Variants in NEGR1 observed in about 807,000 individuals in gnomAD.
NEGR1 encodes IgLON family member 4.
NEGR1 carries 10 observed loss-of-function variants against 40.9 expected under a neutral mutation model. That is an observed-to-expected ratio of 0.24 (90% CI 0.15 to 0.42). The LOEUF (loss-of-function observed/expected upper bound fraction) is 0.42. NEGR1 is among the 10% of genes least tolerant of loss of function. NEGR1 has a pLI of 1.00. For missense variants in NEGR1, 352 were observed against 438.9 expected, an observed-to-expected ratio of 0.80 and a Z score of 1.77; for synonymous variants, 185 against 166.8, an observed-to-expected ratio of 1.11 and a Z score of -0.84.
intron 4 of NEGR1, among the ~76,000 whole-genome samples, chr1:71,614,334 C>G (rs1650370541): frequency 6.6e-6 from 1 of 151,750 alleles, no homozygotes; most frequent in Non-Finnish European, 1.5e-5. Flanking sequence ...ACACATTTAT[C>G]TATATATGGG....
chr1:71,910,470 A>G (rs1661395016), intron 2 of NEGR1, among the ~76,000 whole-genome samples: 1 of 152,202 alleles, frequency 6.6e-6, no homozygotes, highest in African/African-American at 2.4e-5. Context: ...ACAATTTGAT[A>G]TTGTTCACTA....
intron 1 of NEGR1, among the ~76,000 whole-genome samples, chr1:72,264,134 T>C (rs1293392182): frequency 1.3e-5 from 2 of 151,496 alleles, no homozygotes; most frequent in Non-Finnish European, 3.0e-5. Context: ...GAGTAGTTTA[T>C]ATCTGTGTAA....
At chr1:72,260,562 A>T (rs1407336045) in intron 1 of NEGR1, among the ~76,000 whole-genome samples, 2 of 152,096 alleles carry the variant, frequency 1.3e-5, no homozygotes, top group African/African-American at 4.8e-5. Flanking sequence ...CAAGATTGTG[A>T]TTTAAAATGA....
At chr1:71,783,670 T>C (rs768936959) in intron 2 of NEGR1, among the ~76,000 whole-genome samples, 1 of 152,198 alleles carries the variant, frequency 6.6e-6, no homozygotes, top group Non-Finnish European at 1.5e-5. Context: ...AGAAAAACGT[T>C]ATCTGTCGAA....
At chr1:72,121,267 C>A (rs1272262148) in intron 1 of NEGR1, among the ~76,000 whole-genome samples, 1 of 151,940 alleles carries the variant, frequency 6.6e-6, no homozygotes, top group Non-Finnish European at 1.5e-5. Context: ...TTTTTAATAT[C>A]ACTGAACATT....
At chr1:71,454,216 C>G (rs1159590731) in intron 6 of NEGR1, among the ~76,000 whole-genome samples, 1 of 152,144 alleles carries the variant, frequency 6.6e-6, no homozygotes, top group Non-Finnish European at 1.5e-5. Flanking sequence ...TAACTTGAAG[C>G]ATTTCCTGTG....
chr1:72,225,734 TTTTA>T (rs1654171371), intron 1 of NEGR1, among the ~76,000 whole-genome samples: 1 of 151,566 alleles, frequency 6.6e-6, no homozygotes, highest in African/African-American at 2.4e-5. Flanking sequence ...GATAAATAAT[TTTTA>T]TTTATTTTTG....
intron 4 of NEGR1, among the ~76,000 whole-genome samples, chr1:71,682,806 G>A (rs1652884283): frequency 6.6e-6 from 1 of 152,158 alleles, no homozygotes; most frequent in African/African-American, 2.4e-5. Context: ...GGCAATGAGT[G>A]AGTTATTATT....
chr1:72,058,745 G>A (rs1647137785), intron 1 of NEGR1, among the ~76,000 whole-genome samples: 1 of 151,564 alleles, frequency 6.6e-6, no homozygotes, highest in Admixed American at 6.6e-5. Flanking sequence ...AAATCAATAT[G>A]CATTTTAAAT....
rs202110594 is a variant in NEGR1 at position 71,519,729 on chromosome 1, T to TA, written c.940+73087dup. On this transcript the variant is annotated intron_variant, in intron 6 of 6. Transcript: ENST00000357731. ...ATGTACCCTAACACTTAGAGTATAA[T>TA]AAAAAAAAAAAAAAATTAAAAAAAA... Among the ~76,000 whole-genome samples, 1,037 of 128,698 alleles carry TA rather than the reference T, an allele frequency of 8.1e-3. 3 individuals carry two copies. Among genetic ancestry groups the TA allele is most frequent in the Middle Eastern group, 0.015 (4 of 266 alleles). The allele number at this position is 128,698 out of a possible 152,430, so 84.4% of individuals were successfully genotyped here.
chr1:72,167,327 C>A (rs984418596), intron 1 of NEGR1, among the ~76,000 whole-genome samples: 1 of 152,010 alleles, frequency 6.6e-6, no homozygotes, highest in Non-Finnish European at 1.5e-5. Flanking sequence ...CATTCTTTAA[C>A]ATACTCCTAT....
intron 4 of NEGR1, among the ~76,000 whole-genome samples, chr1:71,648,049 C>T (rs972870759): frequency 1.1e-4 from 16 of 151,922 alleles, no homozygotes; most frequent in Non-Finnish European, 2.4e-4. Context: ...TTTAATATAT[C>T]CTACTAGTTT....
intron 6 of NEGR1, among the ~76,000 whole-genome samples, chr1:71,483,901 ATTTTCACTGAGGATTTT>A (rs777146253): frequency 6.6e-6 from 1 of 151,720 alleles, no homozygotes; most frequent in Non-Finnish European, 1.5e-5. Context: ...TTAAAATGTC[ATTTTCACTGAGGATTTT>A]TTTTCACCTA....
chr1:71,545,838 A>G (rs1003911819), intron 6 of NEGR1, among the ~76,000 whole-genome samples: 9 of 151,658 alleles, frequency 5.9e-5, no homozygotes, highest in African/African-American at 1.9e-4. Context: ...AACTCCTCCC[A>G]TGCATATATT....
intron 6 of NEGR1, among the ~76,000 whole-genome samples, chr1:71,537,839 A>G (rs1647558744): frequency 6.6e-6 from 1 of 151,690 alleles, no homozygotes; most frequent in Non-Finnish European, 1.5e-5. Context: ...TTAACTTGTA[A>G]GCAGTGAAAT....
intron 2 of NEGR1, among the ~76,000 whole-genome samples, chr1:71,804,681 TA>T (rs1657688789): frequency 6.6e-6 from 1 of 152,246 alleles, no homozygotes; most frequent in Non-Finnish European, 1.5e-5. Flanking sequence ...GTCTTTACTT[TA>T]ATCTCTTAAT....
At chr1:71,774,952 A>G (rs1656451589) in intron 3 of NEGR1, among the ~76,000 whole-genome samples, 2 of 152,188 alleles carry the variant, frequency 1.3e-5, no homozygotes, top group South Asian at 4.1e-4. Flanking sequence ...ATCTATAAAC[A>G]TGTTATATAT....
In NEGR1 at chr1:71,396,763, C is replaced by A; in HGVS notation, c.*10683G>T. The A allele has an allele frequency of 6.2e-6, 1 of 162,496 alleles. No individual in the cohort carries two copies. The highest frequency in any genetic ancestry group is 1.3e-5 in the Non-Finnish European group (1 of 76,280). The allele number at this position is 162,496 out of a possible 1,614,324, so 10.1% of individuals were successfully genotyped here. ...CTTCTCTGCTGCCATGTGAGATGTG[C>A]CTTTCACCTTCCACCATGATTGTGA... On this transcript the variant is annotated 3_prime_UTR_variant, in exon 7 of 7. Transcript: ENST00000357731.
intron 4 of NEGR1, among the ~76,000 whole-genome samples, chr1:71,687,557 C>T (rs1653079522): frequency 6.6e-6 from 1 of 152,172 alleles, no homozygotes; most frequent in Non-Finnish European, 1.5e-5. Context: ...CAAACCTATT[C>T]TGAGTGCAGC....
Sources: gnomAD v4.1 joint callset for allele counts (sites outside exome capture counted in the v4.1 genomes callset) on GRCh38, gnomAD v4.1.1 for gene constraint, MANE v1.5 for transcripts, NCBI Gene and HGNC (gene_info 2026-07-23, HGNC 2026-07-21) for gene names.